NGDN: variants seen among roughly 807,000 people sequenced by gnomAD.
NGDN encodes the protein EIF4E-binding protein.
NGDN carries 41 observed loss-of-function variants against 45.2 expected under a neutral mutation model. That is an observed-to-expected ratio of 0.91 (90% CI 0.71 to 1.18). NGDN has a LOEUF of 1.18. NGDN is among the 50% of genes most tolerant of loss of function. The probability of loss-of-function intolerance (pLI) is 0.00; values close to 1 mark genes in which losing one functional copy is unlikely to be tolerated. For synonymous variants in NGDN, 137 were observed against 130.9 expected (o/e 1.05, Z -0.32); for missense variants, 402 against 399.9 (o/e 1.01, Z -0.05).
chr14:23,475,841 GGT>G (rs1342910479), intron 6 of NGDN, 63 bp downstream of exon 6: 1 of 1,528,248 alleles, frequency 6.5e-7, no homozygotes, highest in African/African-American at 1.4e-5. Context: ...TGAGCCTCTT[GGT>G]GATCCTGGAT....
At chr14:23,472,136 G>A (rs949858596) in intron 3 of NGDN, among the ~76,000 whole-genome samples, 18 of 149,290 alleles carry the variant, frequency 1.2e-4, no homozygotes, top group Admixed American at 7.4e-4. Context: ...CATGAGCCAC[G>A]GTCGCACCAT....
intron 1 of NGDN, 52 bp downstream of exon 1, chr14:23,469,779 G>C: frequency 6.2e-7 from 1 of 1,610,512 alleles, no homozygotes; most frequent in Non-Finnish European, 8.5e-7. Context: ...GTTGTCCTTT[G>C]CCTTCAGCGG....
intron 2 of NGDN, 99 bp downstream of exon 2, chr14:23,470,200 C>A: frequency 9.9e-7 from 1 of 1,012,680 alleles, no homozygotes. Context: ...TGAATGCTTC[C>A]AAAAACCTTA....
At position 23,475,626 on chromosome 14, in the gene NGDN, A is replaced by G; in HGVS notation, c.351A>G (p.Ala117=). Residue 117 remains alanine, a synonymous_variant, in exon 5 of 11, where the codon GCA becomes GCG. Transcript: ENST00000408901. The part of the protein sequence containing the change: ...KYQIDKLIKT[A]VTGSLSENDP... ...AAATTGACAAGCTGATCAAGACTGCAGTGACAGGCAGCCTTAGTAAGTGAG... is the reference window on the plus strand; with the variant it reads ...AAATTGACAAGCTGATCAAGACTGCGGTGACAGGCAGCCTTAGTAAGTGAG... 6.2e-7 allele frequency: 1 copy of G among 1,614,196 alleles called. No individual in the cohort carries two copies. The highest frequency in any genetic ancestry group is 8.5e-7 in the Non-Finnish European group (1 of 1,180,002).
chr14:23,477,989 G>A lies in NGDN; in HGVS notation c.929-18G>A. On this transcript the variant is annotated intron_variant, in intron 10 of 10. Coordinates refer to ENST00000408901, the MANE Select transcript of NGDN (RefSeq NM_001042635.2). ...TCCAACTGTCCTTTGCCTCATTCTT[G>A]GTTTCCCTTCCTTTCAGGTTTTCGG... 1 of 1,614,038 alleles carries A rather than the reference G, an allele frequency of 6.2e-7. No homozygotes were observed. The highest frequency in any genetic ancestry group is 1.1e-5 in the South Asian group (1 of 91,074).
intron 9 of NGDN, 46 bp from the exon 10 acceptor site, chr14:23,477,457 T>C: frequency 9.9e-6 from 16 of 1,612,882 alleles, no homozygotes; most frequent in Non-Finnish European, 1.4e-5. Flanking sequence ...GGATGCTGGC[T>C]CTCAGAACCA....
chr14:23,475,364 G>A, intron 4 of NGDN, 56 bp downstream of exon 4: 5 of 1,519,876 alleles, frequency 3.3e-6, no homozygotes, highest in Admixed American at 1.9e-5. Flanking sequence ...AGCTCCAAGG[G>A]TATCACACAG....
intron 2 of NGDN, among the ~76,000 whole-genome samples, chr14:23,470,460 G>C (rs912544383): frequency 6.6e-6 from 1 of 152,136 alleles, no homozygotes; most frequent in Non-Finnish European, 1.5e-5. Flanking sequence ...ATTGTAATTC[G>C]AAAACCTCAT....
chr14:23,477,970 T>G, intron 10 of NGDN, 37 bp from the exon 11 acceptor site: 1 of 1,614,202 alleles, frequency 6.2e-7, no homozygotes, highest in Non-Finnish European at 8.5e-7. Flanking sequence ...CTTTTCCAAC[T>G]GTCCTTTGCC....
At chr14:23,475,698 G>A (rs1348328918) in intron 5 of NGDN, 28 bp from the exon 6 acceptor site, 3 of 1,613,896 alleles carry the variant, frequency 1.9e-6, no homozygotes, top group African/African-American at 1.3e-5. Flanking sequence ...TCCAAATTTT[G>A]TAAAATTCAT....
At chr14:23,471,272 G>A in intron 3 of NGDN, 1 of 296,856 alleles carries the variant, frequency 3.4e-6, no homozygotes, top group Non-Finnish European at 6.2e-6. Context: ...GGATTTTGAG[G>A]AATAAATGGG....
chr14:23,477,600 TG>T, intron 10 of NGDN, 40 bp downstream of exon 10: 4 of 1,612,750 alleles, frequency 2.5e-6, no homozygotes, highest in Non-Finnish European at 3.4e-6. Flanking sequence ...AGGTGCAAGG[TG>T]GGGAGTACAA....
intron 10 of NGDN, 97 bp from the exon 11 acceptor site, chr14:23,477,910 C>A: frequency 6.2e-7 from 1 of 1,611,462 alleles, no homozygotes; most frequent in Non-Finnish European, 8.5e-7. Context: ...TAGGAGACCC[C>A]ACCCCTGTGA....
At position 23,475,626 on chromosome 14, in the gene NGDN, A is replaced by C. The variant is rs769645732; in HGVS notation, c.351A>C (p.Ala117=). ...KYQIDKLIKT[A]VTGSLSENDP... is the part of the protein sequence containing the mutation. ...AAATTGACAAGCTGATCAAGACTGC[A>C]GTGACAGGCAGCCTTAGTAAGTGAG... is the stretch of plus-strand genomic sequence containing the variant. Residue 117 remains alanine (A), a synonymous_variant, in exon 5 of 11, where the codon GCA becomes GCC. Coordinates refer to ENST00000408901, the MANE Select transcript of NGDN (RefSeq NM_001042635.2). 1 of 1,614,078 alleles carries C rather than the reference A, an allele frequency of 6.2e-7. No homozygotes were observed. Among genetic ancestry groups the C allele is most frequent in the African/African-American group, 1.3e-5 (1 of 74,948 alleles).
chr14:23,469,883 C>A, intron 1 of NGDN, 156 bp downstream of exon 1: 1 of 1,252,326 alleles, frequency 8.0e-7, no homozygotes, highest in Non-Finnish European at 1.1e-6. Flanking sequence ...TCCGGTAACC[C>A]AAGGGGCTGG....
At position 23,475,589 on chromosome 14, in the gene NGDN, A is replaced by C; in HGVS notation, c.314A>C (p.Lys105Thr). ...GAAAAGCTTCGTCCCTTGGACCAAA[A>C]GCTGAAGTATCAAATTGACAAGCTG... ...VLEKLRPLDQKLKYQIDKLIK... is the reference protein window; with the variant it reads ...VLEKLRPLDQTLKYQIDKLIK... Residue 105 changes from lysine to threonine, a missense_variant, in exon 5 of 11, where the codon AAG becomes ACG. Lys to Thr is a moderately conservative substitution (Grantham distance 78). Coordinates refer to ENST00000408901, the MANE Select transcript of NGDN (RefSeq NM_001042635.2). 1 of 1,614,212 alleles carries C rather than the reference A, an allele frequency of 6.2e-7. No individual in the cohort carries two copies.
At position 23,476,171 on chromosome 14, in the gene NGDN, G is replaced by A; in HGVS notation, c.544+19G>A. On this transcript the variant is annotated intron_variant, in intron 7 of 10. Transcript: ENST00000408901. ...CATTATGGTATAAACTTTGGCTGCT[G>A]CCTCCTCAGCATGAACTGTTTCTCT... The A allele has an allele frequency of 6.2e-7, 1 of 1,614,168 alleles. No individual in the cohort carries two copies. Among genetic ancestry groups the A allele is most frequent in the Non-Finnish European group, 8.5e-7 (1 of 1,180,002 alleles).
At chr14:23,473,312 C>T (rs1227385998) in intron 3 of NGDN, among the ~76,000 whole-genome samples, 1 of 152,136 alleles carries the variant, frequency 6.6e-6, no homozygotes. Context: ...GGTACCATGC[C>T]TTGAACCATT....
intron 2 of NGDN, 25 bp from the exon 3 acceptor site, chr14:23,470,881 C>G (rs201472091): frequency 4.1e-4 from 27 of 65,942 alleles, no homozygotes; most frequent in Non-Finnish European, 5.9e-4. Context: ...AATCTAATCA[C>G]TTGTTTTATT....
Sources: gnomAD v4.1 joint callset for allele counts (sites outside exome capture counted in the v4.1 genomes callset) on GRCh38, gnomAD v4.1.1 for gene constraint, MANE v1.5 for transcripts, NCBI Gene and HGNC (gene_info 2026-07-23, HGNC 2026-07-21) for gene names.